The following SGCZ variants were observed in gnomAD, a reference collection of about 807,000 sequenced individuals.
SGCZ encodes zeta-sarcoglycan.
Under a neutral mutation model 41.3 loss-of-function variants are expected in SGCZ, and 40 were observed. The observed-to-expected ratio is 0.97, with a 90% confidence interval of 0.75 to 1.26. The LOEUF (loss-of-function observed/expected upper bound fraction) is 1.26, where lower values mean the gene tolerates loss of function less well. Among genes scored for constraint, SGCZ ranks in the 50% most tolerant of loss-of-function variants. SGCZ has a pLI of 0.00. For missense variants in SGCZ, 552 were observed against 369.8 expected (o/e 1.49, Z -4.04); for synonymous variants, 206 against 137.5 (o/e 1.50, Z -3.49).
chr8:14,945,257 T>C (rs979691773), intron 1 of SGCZ, among the ~76,000 whole-genome samples: 22 of 152,218 alleles, frequency 1.4e-4, no homozygotes, highest in African/African-American at 5.3e-4. Flanking sequence ...CAAACTATGA[T>C]ACAAGAAAAA....
At chr8:15,151,085 C>G (rs1293355882) in intron 1 of SGCZ, among the ~76,000 whole-genome samples, 1 of 152,382 alleles carries the variant, frequency 6.6e-6, no homozygotes, top group African/African-American at 2.4e-5. Flanking sequence ...CACACTCACG[C>G]ACACACTTCG....
chr8:14,724,782 A>G (rs1809999988), intron 1 of SGCZ, among the ~76,000 whole-genome samples: 1 of 152,076 alleles, frequency 6.6e-6, no homozygotes, highest in South Asian at 2.1e-4. Context: ...TATAATGTTT[A>G]ATGATTAAAT....
intron 1 of SGCZ, among the ~76,000 whole-genome samples, chr8:14,985,890 T>A (rs17574078): frequency 6.6e-6 from 1 of 152,038 alleles, no homozygotes; most frequent in Non-Finnish European, 1.5e-5. Context: ...GAAATGAATG[T>A]GGCAGAAAAC....
At chr8:15,205,790 T>A (rs1840892) in intron 1 of SGCZ, among the ~76,000 whole-genome samples, 85,609 of 152,002 alleles carry the variant, frequency 0.56, 24,550 homozygotes, top group Middle Eastern at 0.73. Flanking sequence ...GTACATCATT[T>A]TACCATAAAG....
At chr8:14,981,953 C>A (rs904396026) in intron 1 of SGCZ, among the ~76,000 whole-genome samples, 1 of 152,028 alleles carries the variant, frequency 6.6e-6, no homozygotes. Flanking sequence ...AGTTCAAGAC[C>A]AGCCTGGCCA....
At chr8:14,320,602 G>A (rs1005379760) in intron 3 of SGCZ, among the ~76,000 whole-genome samples, 59 of 152,116 alleles carry the variant, frequency 3.9e-4, no homozygotes, top group African/African-American at 1.3e-3. Context: ...ACCAAGAACT[G>A]GGTTAACATC....
intron 1 of SGCZ, among the ~76,000 whole-genome samples, chr8:14,784,913 A>ATATATAT (rs1554499019): frequency 1.7e-4 from 15 of 88,020 alleles, no homozygotes; most frequent in Admixed American, 1.3e-3. Context: ...AAAAAAAAAA[A>ATATATAT]ATATATATAT....
chr8:14,185,672 G>T (rs1186822940), intron 4 of SGCZ, among the ~76,000 whole-genome samples: 2 of 151,710 alleles, frequency 1.3e-5, no homozygotes, highest in South Asian at 2.1e-4. Flanking sequence ...TTGTTTTGTT[G>T]TGTTTTGTTT....
chr8:14,679,380 G>T (rs929743119), intron 1 of SGCZ, among the ~76,000 whole-genome samples: 4 of 151,822 alleles, frequency 2.6e-5, no homozygotes, highest in African/African-American at 7.3e-5. Context: ...CTGAAGACAT[G>T]TTAGTGGTAC....
chr8:14,457,272 G>A (rs1318260004), intron 2 of SGCZ, among the ~76,000 whole-genome samples: 1 of 152,202 alleles, frequency 6.6e-6, no homozygotes, highest in Non-Finnish European at 1.5e-5. Context: ...CTAGAAAAGA[G>A]TGCGAGCCTT....
At chr8:14,583,420 A>T (rs936887761) in intron 1 of SGCZ, among the ~76,000 whole-genome samples, 4 of 151,968 alleles carry the variant, frequency 2.6e-5, no homozygotes, top group Admixed American at 2.6e-4. Flanking sequence ...TTGTCAGATG[A>T]GTAGGTTGCG....
chr8:15,003,761 A>G (rs1802506933), intron 1 of SGCZ, among the ~76,000 whole-genome samples: 1 of 152,164 alleles, frequency 6.6e-6, no homozygotes, highest in South Asian at 2.1e-4. Flanking sequence ...CCAGAGAACT[A>G]ATTTTTTGGC....
intron 1 of SGCZ, among the ~76,000 whole-genome samples, chr8:14,617,622 A>G (rs535174601): frequency 2.3e-4 from 35 of 152,282 alleles, no homozygotes; most frequent in African/African-American, 8.4e-4. Context: ...AGAACAGAGA[A>G]CTAAATGTGG....
intron 1 of SGCZ, among the ~76,000 whole-genome samples, chr8:15,183,154 A>C (rs1440562012): frequency 1.6e-5 from 2 of 128,824 alleles, no homozygotes; most frequent in Non-Finnish European, 3.2e-5. Flanking sequence ...GCTGTTTTAC[A>C]GTTAACTTTT....
intron 1 of SGCZ, among the ~76,000 whole-genome samples, chr8:14,822,057 A>T (rs1442586797): frequency 1.4e-5 from 2 of 146,536 alleles, no homozygotes; most frequent in Non-Finnish European, 3.0e-5. Flanking sequence ...TTTTAAATAT[A>T]AAAAACCCTA....
chr8:14,330,790 G>T (rs1802290368), intron 2 of SGCZ, among the ~76,000 whole-genome samples: 1 of 151,886 alleles, frequency 6.6e-6, no homozygotes, highest in African/African-American at 2.4e-5. Context: ...TGGCCATAGT[G>T]CTGAGCATTT....
At chr8:14,175,937 C>A (rs1206451100) in intron 4 of SGCZ, among the ~76,000 whole-genome samples, 1 of 152,132 alleles carries the variant, frequency 6.6e-6, no homozygotes, top group South Asian at 2.1e-4. Flanking sequence ...CCTGTAGTTA[C>A]AAAGCATTAA....
chr8:14,865,200 C>A (rs1396653103), intron 1 of SGCZ, among the ~76,000 whole-genome samples: 1 of 152,044 alleles, frequency 6.6e-6, no homozygotes, highest in Non-Finnish European at 1.5e-5. Flanking sequence ...ACACCACCAC[C>A]ACTTCACCTC....
chr8:15,069,586 C>G (rs1805276982), intron 1 of SGCZ, among the ~76,000 whole-genome samples: 1 of 152,102 alleles, frequency 6.6e-6, no homozygotes, highest in Admixed American at 6.6e-5. Context: ...TTCTGAATTC[C>G]CCACTTTTAA....
Sources: allele counts gnomAD v4.1 joint callset (sites outside exome capture counted in the v4.1 genomes callset), GRCh38; gene constraint gnomAD v4.1.1; transcripts MANE v1.5; gene names NCBI Gene and HGNC (gene_info 2026-07-23, HGNC 2026-07-21).